HMGN5: variants seen among roughly 807,000 people sequenced by gnomAD.
The protein encoded by HMGN5 is high mobility group nucleosome-binding domain-containing protein 5.
HMGN5 carries 4 observed loss-of-function variants against 9.5 expected under a neutral mutation model. The ratio of observed to expected loss-of-function variants is 0.42; its 90% confidence interval spans 0.21 to 0.96. The LOEUF (loss-of-function observed/expected upper bound fraction) is 0.96. Ranked by LOEUF, HMGN5 falls within the 40% of genes least tolerant of loss-of-function variation. The probability of loss-of-function intolerance (pLI) is 0.30; values close to 1 mark genes in which losing one functional copy is unlikely to be tolerated. For missense variants in HMGN5, 192 were observed against 187.5 expected (o/e 1.02, Z -0.14); for synonymous variants, 55 against 57.1 (o/e 0.96, Z 0.16).
intron 1 of HMGN5, among the ~76,000 whole-genome samples, chrX:81,161,683 A>G (rs1167447221): frequency 9.0e-6 from 1 of 110,770 alleles, no homozygotes; most frequent in Non-Finnish European, 1.9e-5. Flanking sequence ...GAGGGCTTAA[A>G]GGAAAGTAAG....
rs1401838942 is a variant in HMGN5 at position 81,201,786 on chromosome X, G to C, written c.-173C>G. 7.0e-6 allele frequency: 1 copy of C among 142,628 alleles called. No homozygotes were observed. The highest frequency in any genetic ancestry group is 1.4e-5 in the Non-Finnish European group (1 of 73,335). The allele number at this position is 142,628 out of a possible 1,213,427, so 11.8% of individuals were successfully genotyped here. On this transcript the variant is annotated 5_prime_UTR_variant, in exon 1 of 7. Coordinates refer to ENST00000358130, the MANE Select transcript of HMGN5 (RefSeq NM_030763.3). ...TCTTATTTGCATATATTTCTGAGCA[G>C]GAAGTTATGCGCAGTACTTTTAGTC...
chrX:81,143,820 C>T (rs761103941), intron 1 of HMGN5, among the ~76,000 whole-genome samples: 15 of 111,935 alleles, frequency 1.3e-4, no homozygotes, highest in Non-Finnish European at 5.6e-5. Flanking sequence ...GGGGGAGGAG[C>T]GTCCACCATT....
intron 1 of HMGN5, among the ~76,000 whole-genome samples, chrX:81,122,883 A>G (rs1475514853): frequency 9.0e-6 from 1 of 111,138 alleles, no homozygotes; most frequent in Admixed American, 9.6e-5. Context: ...ATTAAAATAG[A>G]GGATCTAATT....
chrX:81,128,056 GTGTC>G (rs763785451), intron 1 of HMGN5, among the ~76,000 whole-genome samples: 27 of 111,281 alleles, frequency 2.4e-4, no homozygotes, highest in African/African-American at 5.9e-4. Context: ...GTGTGTGTGT[GTGTC>G]TGTCTGTGTG....
At chrX:81,124,503 T>C (rs2075277571) in intron 1 of HMGN5, among the ~76,000 whole-genome samples, 1 of 112,508 alleles carries the variant, frequency 8.9e-6, no homozygotes, top group East Asian at 2.8e-4. Context: ...ATTGTACTAC[T>C]CATAGGACAC....
chrX:81,114,566 AT>A lies in HMGN5; in HGVS notation c.*82del, dbSNP rs1316562026. 9 of 901,989 alleles carry A rather than the reference AT, an allele frequency of 1.0e-5. No homozygotes were observed. Among genetic ancestry groups the A allele is most frequent in the South Asian group, 4.7e-5 (1 of 21,396 alleles). The allele number at this position is 901,989 out of a possible 1,213,427, so 74.3% of individuals were successfully genotyped here. ...GCTAAAGAAAGGCTGTGTTTATAAA[AT>A]TTTTGATAAAAATATTTATCTCTAT... On this transcript the variant is annotated 3_prime_UTR_variant, in exon 7 of 7. Coordinates refer to ENST00000358130, the MANE Select transcript of HMGN5 (RefSeq NM_030763.3).
chrX:81,150,322 G>T (rs2075357344), intron 1 of HMGN5, among the ~76,000 whole-genome samples: 1 of 111,673 alleles, frequency 9.0e-6, no homozygotes, highest in Non-Finnish European at 1.9e-5. Flanking sequence ...CCAGCACTTT[G>T]GGAGGCCGAG....
chrX:81,159,230 T>C lies in HMGN5; in HGVS notation c.-123-37558A>G, dbSNP rs964453065. 2.7e-5 allele frequency among the ~76,000 whole-genome samples: 3 copies of C among 110,201 alleles called. No homozygotes were observed. The South Asian group carries it at 1.2e-3, about 44-fold the overall frequency. On this transcript the variant is annotated intron_variant, in intron 1 of 6. Transcript: ENST00000358130. ...GGGGAACAACACACACTGGGGCCTA[T>C]TGGGGGATAGAGTGTGGGGAGAAAG... is the stretch of plus-strand genomic sequence containing the variant.
intron 6 of HMGN5, among the ~76,000 whole-genome samples, chrX:81,115,501 A>T (rs2075250816): frequency 8.9e-6 from 1 of 112,493 alleles, no homozygotes; most frequent in Non-Finnish European, 1.9e-5. Context: ...TTTTATTTCA[A>T]ATATGAAGAA....
intron 1 of HMGN5, among the ~76,000 whole-genome samples, chrX:81,192,158 T>C (rs760485464): frequency 3.6e-4 from 40 of 111,444 alleles, no homozygotes; most frequent in Non-Finnish European, 5.8e-4. Context: ...TAAAGTACTA[T>C]CCTTTTTATA....
Position 81,118,424 on chromosome X carries a change from A to G in HMGN5, c.129+8T>C. 8.8e-6 allele frequency: 10 copies of G among 1,137,476 alleles called. No individual in the cohort carries two copies. Among genetic ancestry groups the G allele is most frequent in the Non-Finnish European group, 7.1e-6 (6 of 839,892 alleles). 93.7% of individuals were successfully genotyped at this position (1,137,476 alleles called of 1,213,427 possible). A position where few individuals can be genotyped will look rare whatever the true frequency, so the allele number is the denominator to read the frequency against. On this transcript the variant is annotated splice_region_variant and intron_variant, in intron 5 of 6. Transcript: ENST00000358130. ...AATTTATTTCAATATTCTACGTTGA[A>G]TATTTACCCTTGAACTTGATGTTCT...
intron 1 of HMGN5, among the ~76,000 whole-genome samples, chrX:81,169,515 T>C (rs1363876528): frequency 9.1e-6 from 1 of 110,469 alleles, no homozygotes; most frequent in Admixed American, 9.6e-5. Flanking sequence ...ACGGGCCAAA[T>C]AACCTTTGTT....
chrX:81,146,447 A>G (rs893601319), intron 1 of HMGN5, among the ~76,000 whole-genome samples: 3 of 111,714 alleles, frequency 2.7e-5, no homozygotes, highest in African/African-American at 6.5e-5. Flanking sequence ...CTTTAAAACC[A>G]AGGGGAACAA....
At chrX:81,177,608 A>G (rs761668185) in intron 1 of HMGN5, among the ~76,000 whole-genome samples, 4 of 109,888 alleles carry the variant, frequency 3.6e-5, no homozygotes, top group Non-Finnish European at 7.6e-5. Flanking sequence ...CACACACAAT[A>G]ATAATGGGAG....
At chrX:81,118,844 G>GT in intron 3 of HMGN5, 85 bp from the exon 4 acceptor site, 1 of 581,709 alleles carries the variant, frequency 1.7e-6, no homozygotes, top group East Asian at 3.6e-5. Flanking sequence ...AATATTTGGT[G>GT]TAACAATACA....
Position 81,116,268 on chromosome X carries a change from T to G in HMGN5, c.203A>C (p.Gln68Pro). 1.7e-6 allele frequency: 2 copies of G among 1,198,537 alleles called. No homozygotes were observed. Among genetic ancestry groups the G allele is most frequent in the South Asian group, 3.5e-5 (2 of 56,368 alleles). The change falls in exon 6 of 7, where the codon CAA becomes CCA. Residue 68 changes from glutamine to proline, a missense_variant. Transcript: ENST00000358130. ...GTAGTCTTCTTCAACAACTGCTTCT[T>G]GCTTGGTTTCAGCAACTGCTTGGGC... Reference protein sequence around the residue: ...TSAQAVAETKQEAVVEEDYNE... With the variant: ...TSAQAVAETKPEAVVEEDYNE...
At chrX:81,177,060 C>T (rs2147639916) in intron 1 of HMGN5, among the ~76,000 whole-genome samples, 1 of 109,869 alleles carries the variant, frequency 9.1e-6, no homozygotes, top group East Asian at 2.9e-4. Flanking sequence ...GAGTTACCCA[C>T]AAAGGGAAGC....
At position 81,175,353 on chromosome X, in the gene HMGN5, G is replaced by T. The variant is rs772470717; in HGVS notation, c.-124+26384C>A. 5.4e-5 allele frequency among the ~76,000 whole-genome samples: 6 copies of T among 111,031 alleles called. No individual in the cohort carries two copies. The East Asian group carries it at 1.7e-3, about 32-fold the overall frequency. On this transcript the variant is annotated intron_variant, in intron 1 of 6. Coordinates refer to ENST00000358130, the MANE Select transcript of HMGN5 (RefSeq NM_030763.3). ...ACAGAACAATTCTATTTGTGTGTGT[G>T]TGTGTGTGTGTATGTGTGTATTACT...
chrX:81,173,006 C>A (rs895874331), intron 1 of HMGN5, among the ~76,000 whole-genome samples: 33 of 111,012 alleles, frequency 3.0e-4, no homozygotes, highest in Non-Finnish European at 4.9e-4. Flanking sequence ...TGAATTTGTT[C>A]GAGTCAACAA....
Sources: allele counts gnomAD v4.1 joint callset (sites outside exome capture counted in the v4.1 genomes callset), GRCh38; gene constraint gnomAD v4.1.1; transcripts MANE v1.5; gene names NCBI Gene and HGNC (gene_info 2026-07-23, HGNC 2026-07-21).